Variants in PTPRD observed in about 807,000 individuals in gnomAD.
PTPRD encodes protein tyrosine phosphatase receptor type D, also known as receptor-type tyrosine-protein phosphatase delta.
A neutral mutation model predicts 214.5 loss-of-function variants in PTPRD; 34 were observed. The observed-to-expected ratio is 0.16, with a 90% CI of 0.12 to 0.21. The LOEUF (loss-of-function observed/expected upper bound fraction) is 0.21, where lower values mean the gene tolerates loss of function less well. Among genes scored for constraint, PTPRD ranks in the 10% least tolerant of loss-of-function variants. The probability of loss-of-function intolerance (pLI) is 1.00; values close to 1 mark genes in which losing one functional copy is unlikely to be tolerated. For missense variants in PTPRD, 2,545 were observed against 2,398.7 expected (o/e 1.06, Z -1.27); for synonymous variants, 1,128 against 845.7 (o/e 1.33, Z -5.79).
chr9:8,324,818 T>C (rs966544817), intron 44 of PTPRD, among the ~76,000 whole-genome samples: 5 of 148,688 alleles, frequency 3.4e-5, no homozygotes, highest in East Asian at 4.4e-4. Context: ...TGGTATCTCA[T>C]TGTGGTTTTG....
At chr9:8,888,923 A>G (rs2098514155) in intron 11 of PTPRD, among the ~76,000 whole-genome samples, 1 of 152,184 alleles carries the variant, frequency 6.6e-6, no homozygotes, top group Admixed American at 6.5e-5. Flanking sequence ...TATTTTCCTT[A>G]TCTGTATAAT....
At chr9:8,690,554 A>C (rs2097782254) in intron 12 of PTPRD, among the ~76,000 whole-genome samples, 1 of 151,926 alleles carries the variant, frequency 6.6e-6, no homozygotes, top group African/African-American at 2.4e-5. Flanking sequence ...ATTAGATTTA[A>C]TCATATGGTC....
chr9:9,616,725 A>T (rs2094891002), intron 7 of PTPRD, among the ~76,000 whole-genome samples: 2 of 152,056 alleles, frequency 1.3e-5, no homozygotes, highest in Non-Finnish European at 2.9e-5. Context: ...CGAATTATCC[A>T]CCCCTTGTTT....
At chr9:10,329,113 A>G (rs2096702659) in intron 3 of PTPRD, among the ~76,000 whole-genome samples, 1 of 151,806 alleles carries the variant, frequency 6.6e-6, no homozygotes, top group South Asian at 2.1e-4. Context: ...TCTGTTGAAT[A>G]TGAGAGTTGC....
intron 35 of PTPRD, among the ~76,000 whole-genome samples, chr9:8,414,147 C>G (rs2093723021): frequency 6.6e-6 from 1 of 151,848 alleles, no homozygotes; most frequent in African/African-American, 2.4e-5. Context: ...AATTTCTCAG[C>G]CAAAGGTGTG....
rs532885372 is a variant in PTPRD at position 10,584,618 on chromosome 9, T to C, written c.-600+27780A>G. ...TCTTGTAAAGGATTTACAAGCACCATTTTTCCTCTCTATGATATCTTCCTG... is the reference window on the plus strand; with the variant it reads ...TCTTGTAAAGGATTTACAAGCACCACTTTTCCTCTCTATGATATCTTCCTG... On this transcript the variant is annotated intron_variant, in intron 2 of 45. Coordinates refer to ENST00000381196, the MANE Select transcript of PTPRD (RefSeq NM_002839.4). Among the ~76,000 whole-genome samples, 9 of 152,266 alleles carry C rather than the reference T, an allele frequency of 5.9e-5. No individual in the cohort carries two copies. In the East Asian group the frequency reaches 1.5e-3, roughly 26 times the overall value.
chr9:9,309,529 A>G (rs901199816), intron 9 of PTPRD, among the ~76,000 whole-genome samples: 1 of 152,108 alleles, frequency 6.6e-6, no homozygotes, highest in Non-Finnish European at 1.5e-5. Flanking sequence ...AAATATTTCC[A>G]CTTTATTGGT....
intron 11 of PTPRD, among the ~76,000 whole-genome samples, chr9:8,936,470 A>G (rs1047182648): frequency 6.8e-6 from 1 of 147,270 alleles, no homozygotes; most frequent in Non-Finnish European, 1.5e-5. Context: ...AAATAACTTC[A>G]TCTAATTTTT....
chr9:9,277,041 T>C lies in PTPRD; in HGVS notation c.-202-93678A>G, dbSNP rs76776180. On this transcript the variant is annotated intron_variant, in intron 9 of 45. Coordinates refer to ENST00000381196, the MANE Select transcript of PTPRD (RefSeq NM_002839.4). The stretch of plus-strand genomic sequence containing the variant: ...CCCCTGCTTTCGCCACTACTGTATC[T>C]AGTACATGCTCTTTTACCTCACTTG... Among the ~76,000 whole-genome samples, 1,370 of 151,466 alleles carry C rather than the reference T, an allele frequency of 9.0e-3. 27 individuals are homozygous for C. Among genetic ancestry groups the C allele is most frequent in the African/African-American group, 0.031 (1,293 of 41,440 alleles).
At chr9:9,385,876 C>A (rs2140550974) in intron 9 of PTPRD, among the ~76,000 whole-genome samples, 1 of 152,214 alleles carries the variant, frequency 6.6e-6, no homozygotes, top group Admixed American at 6.6e-5. Flanking sequence ...GTCATTTAAG[C>A]CTAACTATGA....
At chr9:9,841,086 G>A (rs2058222344) in intron 5 of PTPRD, among the ~76,000 whole-genome samples, 1 of 152,078 alleles carries the variant, frequency 6.6e-6, no homozygotes, top group African/African-American at 2.4e-5. Flanking sequence ...AAGTGTTTTT[G>A]TCTATTTTTC....
intron 14 of PTPRD, among the ~76,000 whole-genome samples, chr9:8,605,866 C>T (rs1274835962): frequency 1.3e-5 from 2 of 152,140 alleles, no homozygotes; most frequent in Non-Finnish European, 2.9e-5. Context: ...TTACAGCCAC[C>T]TCTCTGATAC....
chr9:9,921,351 A>T (rs2082484385), intron 5 of PTPRD, among the ~76,000 whole-genome samples: 1 of 152,092 alleles, frequency 6.6e-6, no homozygotes, highest in South Asian at 2.1e-4. Context: ...TTGTAAGGTT[A>T]TATAATATTA....
At chr9:8,456,083 T>C (rs936937179) in intron 33 of PTPRD, among the ~76,000 whole-genome samples, 1 of 152,138 alleles carries the variant, frequency 6.6e-6, no homozygotes, top group Non-Finnish European at 1.5e-5. Context: ...GTAGAAGGAA[T>C]TGAGTTTGTT....
At chr9:8,531,955 T>C (rs2075805419) in intron 14 of PTPRD, among the ~76,000 whole-genome samples, 1 of 152,074 alleles carries the variant, frequency 6.6e-6, no homozygotes, top group Non-Finnish European at 1.5e-5. Flanking sequence ...TTTCTCTTCC[T>C]TCCTGGCTCA....
chr9:9,812,033 T>C (rs986899034), intron 5 of PTPRD, among the ~76,000 whole-genome samples: 6 of 152,192 alleles, frequency 3.9e-5, no homozygotes, highest in South Asian at 2.1e-4. Context: ...GCCATCAACA[T>C]TGAGGCAAGA....
rs1307215751 is a variant in PTPRD, at chr9:8,315,466, G to T, written c.*2408C>A. ...TCTGACCCCCTTTGTTTAACTAAAA[G>T]AAAATTATAGCACTGAGTAATCTGG... On this transcript the variant is annotated 3_prime_UTR_variant, in exon 46 of 46. Coordinates refer to ENST00000381196, the MANE Select transcript of PTPRD (RefSeq NM_002839.4). The T allele has an allele frequency of 4.3e-6, 1 of 231,974 alleles. No homozygotes were observed. The highest frequency in any genetic ancestry group is 6.1e-5 in the East Asian group (1 of 16,490). The allele number at this position is 231,974 out of a possible 1,614,324, so 14.4% of individuals were successfully genotyped here.
chr9:9,132,699 CA>C (rs1427908717), intron 10 of PTPRD, among the ~76,000 whole-genome samples: 1 of 152,064 alleles, frequency 6.6e-6, no homozygotes, highest in Non-Finnish European at 1.5e-5. Context: ...TGTCCCTAAC[CA>C]AATATGCAAT....
At chr9:8,350,407 C>A (rs1179858641) in intron 39 of PTPRD, among the ~76,000 whole-genome samples, 1 of 152,064 alleles carries the variant, frequency 6.6e-6, no homozygotes, top group African/African-American at 2.4e-5. Context: ...CATATGTCAG[C>A]TTATAATTTG....
Sources: gnomAD v4.1 joint callset for allele counts (sites outside exome capture counted in the v4.1 genomes callset) on GRCh38, gnomAD v4.1.1 for gene constraint, MANE v1.5 for transcripts, NCBI Gene and HGNC (gene_info 2026-07-23, HGNC 2026-07-21) for gene names.